CTNNA2: variants seen among roughly 807,000 people sequenced by gnomAD.
CTNNA2 encodes the protein catenin alpha-2.
CTNNA2 carries 42 observed loss-of-function variants against 101.0 expected under a neutral mutation model. The observed-to-expected ratio is 0.42, with a 90% CI of 0.32 to 0.54. CTNNA2 has a LOEUF of 0.54. CTNNA2 is among the 20% of genes least tolerant of loss of function. CTNNA2 has a pLI of 0.14. For missense variants in CTNNA2, 871 were observed against 1,223.1 expected, an observed-to-expected ratio of 0.71 and a Z score of 4.29; for synonymous variants, 450 against 456.4, an observed-to-expected ratio of 0.99 and a Z score of 0.18.
intron 4 of CTNNA2, among the ~76,000 whole-genome samples, chr2:79,454,454 T>C (rs963929369): frequency 1.3e-5 from 2 of 152,132 alleles, no homozygotes; most frequent in African/African-American, 4.8e-5. Context: ...ATAATTTAAA[T>C]AGTAAATTAA....
intron 3 of CTNNA2, among the ~76,000 whole-genome samples, chr2:79,772,010 C>T (rs1673625013): frequency 6.6e-6 from 1 of 151,684 alleles, no homozygotes; most frequent in Admixed American, 6.6e-5. Flanking sequence ...CCTCCCCTCC[C>T]CTCCTCTCCT....
chr2:79,442,811 G>A (rs1260169478), intron 4 of CTNNA2, among the ~76,000 whole-genome samples: 2 of 152,096 alleles, frequency 1.3e-5, no homozygotes, highest in Non-Finnish European at 2.9e-5. Flanking sequence ...GCGTATTGTG[G>A]GAGGTTGAAT....
chr2:79,597,247 A>G (rs757876721), intron 1 of CTNNA2, among the ~76,000 whole-genome samples: 1 of 152,038 alleles, frequency 6.6e-6, no homozygotes, highest in African/African-American at 2.4e-5. Context: ...CCCAGGCGGC[A>G]TGATCACAAG....
At chr2:79,912,330 A>G (rs140241771) in intron 7 of CTNNA2, among the ~76,000 whole-genome samples, 6 of 152,346 alleles carry the variant, frequency 3.9e-5, no homozygotes, top group Admixed American at 2.0e-4. Context: ...GAAGCTGTGT[A>G]TCACACCTGA....
At chr2:79,977,847 C>T (rs1690977323) in intron 7 of CTNNA2, among the ~76,000 whole-genome samples, 1 of 152,018 alleles carries the variant, frequency 6.6e-6, no homozygotes, top group Admixed American at 6.6e-5. Flanking sequence ...CTTTCTCTGG[C>T]CAGAGGGAAT....
intron 7 of CTNNA2, among the ~76,000 whole-genome samples, chr2:80,210,244 A>C (rs985687693): frequency 2.0e-5 from 3 of 152,188 alleles, no homozygotes; most frequent in Non-Finnish European, 4.4e-5. Context: ...TTTAAGTTCT[A>C]GGGTACAAGT....
intron 1 of CTNNA2, among the ~76,000 whole-genome samples, chr2:79,191,080 C>T (rs1427473608): frequency 6.6e-6 from 1 of 152,206 alleles, no homozygotes; most frequent in African/African-American, 2.4e-5. Context: ...TCCAATTACA[C>T]ACTGTCAGAG....
At chr2:79,317,451 T>C (rs1676523527) in intron 3 of CTNNA2, among the ~76,000 whole-genome samples, 1 of 152,058 alleles carries the variant, frequency 6.6e-6, no homozygotes, top group Non-Finnish European at 1.5e-5. Context: ...ATTTCTTGCA[T>C]GGACTCTGCT....
intron 9 of CTNNA2, among the ~76,000 whole-genome samples, chr2:80,441,702 CA>C (rs1682598144): frequency 6.6e-6 from 1 of 152,096 alleles, no homozygotes; most frequent in African/African-American, 2.4e-5. Flanking sequence ...ATATGTTAGG[CA>C]AGCAATGTGT....
intron 9 of CTNNA2, among the ~76,000 whole-genome samples, chr2:80,427,811 A>G (rs1171785199): frequency 6.6e-6 from 1 of 152,234 alleles, no homozygotes; most frequent in Admixed American, 6.5e-5. Context: ...GCATTCAGCA[A>G]TATTTCCTGA....
At chr2:80,247,104 T>C (rs78430801) in intron 7 of CTNNA2, among the ~76,000 whole-genome samples, 3,216 of 152,088 alleles carry the variant, frequency 0.021, 114 homozygotes, top group African/African-American at 0.073. Context: ...AAAGAACCAA[T>C]ATAAAGGGGC....
chr2:79,214,703 GGTT>G (rs1475820841), intron 2 of CTNNA2, among the ~76,000 whole-genome samples: 10 of 152,072 alleles, frequency 6.6e-5, no homozygotes, highest in African/African-American at 2.4e-4. Flanking sequence ...GGAGGCTTTG[GGTT>G]GGGGAAAAGG....
At chr2:80,080,655 A>T (rs1332241211) in intron 7 of CTNNA2, among the ~76,000 whole-genome samples, 1 of 152,106 alleles carries the variant, frequency 6.6e-6, no homozygotes, top group East Asian at 1.9e-4. Flanking sequence ...GTGTACACAT[A>T]TTTTATTTGG....
At chr2:79,229,032 T>C (rs1047212936) in intron 2 of CTNNA2, among the ~76,000 whole-genome samples, 3 of 152,198 alleles carry the variant, frequency 2.0e-5, no homozygotes, top group Non-Finnish European at 4.4e-5. Context: ...CCATTGCTTA[T>C]TTTTGTTAAT....
chr2:80,573,550 A>C (rs1558602768), intron 12 of CTNNA2, among the ~76,000 whole-genome samples: 1 of 151,552 alleles, frequency 6.6e-6, no homozygotes, highest in Non-Finnish European at 1.5e-5. Flanking sequence ...CCCCTCCCCC[A>C]TGTCTCAAGT....
chr2:79,471,488 C>T (rs1248578316), intron 4 of CTNNA2, among the ~76,000 whole-genome samples: 4 of 152,110 alleles, frequency 2.6e-5, no homozygotes, highest in Admixed American at 2.0e-4. Flanking sequence ...TTATCCCATT[C>T]ATGATGGCTC....
In CTNNA2 at chr2:79,502,575, A is replaced by G. The variant is rs115817531; in HGVS notation, c.-134-2479A>G. ...TGAATATGAATACAGATGGAAGAAGATGGCTTATGAACTGATAATCGTTGA... is the reference window on the plus strand; with the variant it reads ...TGAATATGAATACAGATGGAAGAAGGTGGCTTATGAACTGATAATCGTTGA... On this transcript the variant is annotated intron_variant, in intron 4 of 21. Coordinates refer to the CTNNA2 transcript ENST00000466387. 7.9e-3 allele frequency among the ~76,000 whole-genome samples: 1,210 copies of G among 152,296 alleles called. 6 individuals are homozygous for G. Among genetic ancestry groups the G allele is most frequent in the African/African-American group, 0.027 (1,143 of 41,574 alleles).
At chr2:79,292,123 C>T (rs759792006) in intron 2 of CTNNA2, among the ~76,000 whole-genome samples, 11 of 152,150 alleles carry the variant, frequency 7.2e-5, no homozygotes, top group Admixed American at 1.3e-4. Flanking sequence ...GAGTTCAGCT[C>T]TCATCTTTCT....
chr2:80,441,285 A>G (rs1038203833), intron 9 of CTNNA2, among the ~76,000 whole-genome samples: 4 of 152,088 alleles, frequency 2.6e-5, no homozygotes, highest in African/African-American at 9.7e-5. Context: ...GCTTTTTGCT[A>G]TTTGATGAGG....
Sources: allele counts gnomAD v4.1 joint callset (sites outside exome capture counted in the v4.1 genomes callset), GRCh38; gene constraint gnomAD v4.1.1; transcripts MANE v1.5; gene names NCBI Gene and HGNC (gene_info 2026-07-23, HGNC 2026-07-21).